Variants in RASGRP3 observed in about 807,000 individuals in gnomAD.
RASGRP3 encodes the protein RAS guanyl releasing protein 3.
A neutral mutation model predicts 82.7 loss-of-function variants in RASGRP3; 54 were observed. The ratio of observed to expected loss-of-function variants is 0.65; its 90% CI spans 0.52 to 0.82. RASGRP3 has a LOEUF of 0.82. Ranked by LOEUF, RASGRP3 falls within the 40% of genes least tolerant of loss-of-function variation. The probability of loss-of-function intolerance (pLI) is 0.00; values close to 1 mark genes in which losing one functional copy is unlikely to be tolerated. For synonymous variants in RASGRP3, 309 were observed against 300.5 expected, an observed-to-expected ratio of 1.03 and a Z score of -0.29; for missense variants, 861 against 828.9, an observed-to-expected ratio of 1.04 and a Z score of -0.48.
chr2:33,559,657 C>A (rs750890782), intron 17 of RASGRP3: 1 of 518,114 alleles, frequency 1.9e-6, no homozygotes, highest in Non-Finnish European at 3.9e-6. Context: ...TATTAGTTAA[C>A]AGTCTATAGT....
At position 33,542,663 on chromosome 2, in the gene RASGRP3, C is replaced by A. The variant is rs184685822; in HGVS notation, c.1279-849C>A. On this transcript the variant is annotated intron_variant, in intron 12 of 17. Coordinates refer to ENST00000403687, the MANE Select transcript of RASGRP3 (RefSeq NM_001139488.2). ...TCTTAATCCACCTCCTCTTTCCCCC[C>A]CCCACCAATATCACTCTATTTTATT... is the stretch of plus-strand genomic sequence containing the variant. 2.7e-3 allele frequency among the ~76,000 whole-genome samples: 401 copies of A among 146,490 alleles called. 19 individuals carry two copies. Among genetic ancestry groups the A allele is most frequent in the African/African-American group, 8.8e-3 (363 of 41,072 alleles).
chr2:33,480,323 G>A (rs916479741), intron 1 of RASGRP3, among the ~76,000 whole-genome samples: 23 of 152,270 alleles, frequency 1.5e-4, no homozygotes, highest in Admixed American at 1.2e-3. Context: ...GATTACAGGC[G>A]TGAGCCACTG....
intron 13 of RASGRP3, among the ~76,000 whole-genome samples, chr2:33,546,622 A>G (rs960187530): frequency 6.6e-6 from 1 of 152,170 alleles, no homozygotes; most frequent in Non-Finnish European, 1.5e-5. Context: ...AGGAATAGAA[A>G]TCATTCTACA....
chr2:33,498,016 T>C (rs1302364403), intron 1 of RASGRP3, among the ~76,000 whole-genome samples: 1 of 152,186 alleles, frequency 6.6e-6, no homozygotes, highest in African/African-American at 2.4e-5. Flanking sequence ...CCTTCTTTCC[T>C]TTCTCCCTTC....
chr2:33,549,109 C>T (rs1675127202), intron 13 of RASGRP3, among the ~76,000 whole-genome samples: 1 of 152,018 alleles, frequency 6.6e-6, no homozygotes. Flanking sequence ...CCCAGCCAGT[C>T]GCAGTGAATG....
At chr2:33,507,318 G>A (rs773730891) in intron 1 of RASGRP3, among the ~76,000 whole-genome samples, 16 of 152,088 alleles carry the variant, frequency 1.1e-4, no homozygotes, top group Non-Finnish European at 1.9e-4. Flanking sequence ...TTGCTTGAAA[G>A]TGGGGGGCAG....
At chr2:33,540,239 A>G (rs546517308) in intron 12 of RASGRP3, 1 of 148,088 alleles carries the variant, frequency 6.8e-6, no homozygotes, top group East Asian at 1.9e-4. Flanking sequence ...GGAGGTGCTG[A>G]AAGAAAAATT....
intron 1 of RASGRP3, among the ~76,000 whole-genome samples, chr2:33,496,276 G>T (rs35807143): frequency 0.086 from 13,119 of 152,256 alleles, 607 homozygotes; most frequent in Middle Eastern, 0.12. Context: ...TTGAGGACAA[G>T]ATTTATAGTG....
At chr2:33,549,495 C>T (rs1675164896) in intron 13 of RASGRP3, 109 bp from the exon 14 acceptor site, 1 of 1,075,600 alleles carries the variant, frequency 9.3e-7, no homozygotes, top group Non-Finnish European at 1.3e-6. Context: ...GTGAATGTGC[C>T]TCAACTGCTT....
At chr2:33,538,962 C>G (rs958869951) in intron 11 of RASGRP3, 132 bp from the exon 12 acceptor site, 1 of 629,630 alleles carries the variant, frequency 1.6e-6, no homozygotes, top group Non-Finnish European at 2.8e-6. Context: ...TGGCTTGAGC[C>G]CAGGAGGCAG....
chr2:33,557,962 T>C (rs1676188991), intron 15 of RASGRP3, among the ~76,000 whole-genome samples: 1 of 152,126 alleles, frequency 6.6e-6, no homozygotes, highest in African/African-American at 2.4e-5. Context: ...AATTGCTCAT[T>C]AGGTCCTCAA....
chr2:33,458,760 G>C (rs114728681), intron 2 of RASGRP3, among the ~76,000 whole-genome samples: 1,556 of 152,288 alleles, frequency 0.01, 14 homozygotes, highest in Middle Eastern at 0.031. Flanking sequence ...GTATAATAAA[G>C]TATTTTTAGT....
chr2:33,559,485 G>A, intron 17 of RASGRP3: 1 of 381,856 alleles, frequency 2.6e-6, no homozygotes, highest in Non-Finnish European at 5.2e-6. Context: ...CAGCATCATG[G>A]AAAAGGGGGT....
At chr2:33,561,549 GA>G (rs200216927) in intron 17 of RASGRP3, among the ~76,000 whole-genome samples, 5 of 150,558 alleles carry the variant, frequency 3.3e-5, no homozygotes, top group African/African-American at 4.9e-5. Flanking sequence ...AGGAAGAAGG[GA>G]AAAAAAATGA....
intron 12 of RASGRP3, 74 bp downstream of exon 12, chr2:33,539,284 C>A: frequency 8.0e-7 from 1 of 1,250,786 alleles, no homozygotes; most frequent in Non-Finnish European, 1.1e-6. Context: ...TGCGATTGTC[C>A]AGGAATCTGA....
chr2:33,438,495 G>A (rs1665044347), intron 1 of RASGRP3, among the ~76,000 whole-genome samples: 1 of 151,746 alleles, frequency 6.6e-6, no homozygotes. Flanking sequence ...CCAGGAGGTG[G>A]AGGTTGCAGT....
intron 1 of RASGRP3, among the ~76,000 whole-genome samples, chr2:33,487,296 A>G (rs1210795393): frequency 6.6e-6 from 1 of 152,256 alleles, no homozygotes; most frequent in Admixed American, 6.5e-5. Flanking sequence ...TTCTGAAGGC[A>G]ATAAGGACGA....
At chr2:33,482,945 C>T (rs1485251021) in intron 1 of RASGRP3, 1 of 151,820 alleles carries the variant, frequency 6.6e-6, no homozygotes, top group Admixed American at 6.6e-5. Flanking sequence ...TGTTTAATGT[C>T]TGAGCTGACT....
chr2:33,476,283 G>C (rs952430793), upstream of RASGRP3: 22 of 152,244 alleles, frequency 1.4e-4, no homozygotes, highest in Non-Finnish European at 2.9e-5. Context: ...TGCCGTTCGA[G>C]AGCCCCAGTG....
Sources: gnomAD v4.1 joint callset for allele counts (sites outside exome capture counted in the v4.1 genomes callset) on GRCh38, gnomAD v4.1.1 for gene constraint, MANE v1.5 for transcripts, NCBI Gene and HGNC (gene_info 2026-07-23, HGNC 2026-07-21) for gene names.